SEMA6D: variants seen among roughly 807,000 people sequenced by gnomAD.
SEMA6D encodes semaphorin 6D.
A neutral mutation model predicts 106.6 loss-of-function variants in SEMA6D; 35 were observed. The ratio of observed to expected loss-of-function variants is 0.33; its 90% CI spans 0.25 to 0.44. The LOEUF is 0.44. Among genes scored for constraint, SEMA6D ranks in the 20% least tolerant of loss-of-function variants. SEMA6D has a pLI of 1.00. For synonymous variants in SEMA6D, 499 were observed against 487.7 expected (o/e 1.02, Z -0.31); for missense variants, 1,185 against 1,345.9 (o/e 0.88, Z 1.87).
intron 1 of SEMA6D, among the ~76,000 whole-genome samples, chr15:47,756,238 G>A (rs188888389): frequency 3.4e-4 from 51 of 152,206 alleles, no homozygotes; most frequent in African/African-American, 1.2e-3. Context: ...CATCTGTGAA[G>A]GTGTGCCTTA....
intron 1 of SEMA6D, among the ~76,000 whole-genome samples, chr15:47,408,430 T>A (rs910243194): frequency 6.6e-6 from 1 of 152,222 alleles, no homozygotes; most frequent in Non-Finnish European, 1.5e-5. Context: ...TATAACAATT[T>A]ATTAACAATG....
intron 1 of SEMA6D, among the ~76,000 whole-genome samples, chr15:47,758,788 T>C (rs1012068332): frequency 5.3e-5 from 8 of 152,202 alleles, no homozygotes; most frequent in African/African-American, 1.9e-4. Flanking sequence ...TGTTCTCCTT[T>C]CCATTTGGTG....
chr15:47,249,495 A>AC (rs925942163), intron 1 of SEMA6D, among the ~76,000 whole-genome samples: 10 of 140,952 alleles, frequency 7.1e-5, no homozygotes, highest in East Asian at 2.1e-4. Context: ...CTCTCTACCC[A>AC]CCCCCCATGC....
intron 4 of SEMA6D, among the ~76,000 whole-genome samples, chr15:47,646,958 A>G (rs2077592817): frequency 6.6e-6 from 1 of 152,224 alleles, no homozygotes; most frequent in African/African-American, 2.4e-5. Flanking sequence ...AATCAAGCAT[A>G]ACTGTGGTTA....
intron 1 of SEMA6D, among the ~76,000 whole-genome samples, chr15:47,346,724 G>T (rs1323278976): frequency 6.6e-6 from 1 of 151,854 alleles, no homozygotes; most frequent in East Asian, 1.9e-4. Flanking sequence ...ATCTAAGAAT[G>T]GTCCCAGGTT....
chr15:47,692,686 T>C (rs1282043624), intron 4 of SEMA6D, among the ~76,000 whole-genome samples: 1 of 152,202 alleles, frequency 6.6e-6, no homozygotes, highest in East Asian at 1.9e-4. Flanking sequence ...TTGGGGTCTG[T>C]TTGCAGACAT....
At chr15:47,435,810 C>T (rs2041683152) in intron 2 of SEMA6D, among the ~76,000 whole-genome samples, 1 of 152,030 alleles carries the variant, frequency 6.6e-6, no homozygotes. Flanking sequence ...TATTGTGTTT[C>T]AGTTTCCTTA....
At chr15:47,396,684 G>A (rs1209639628) in intron 1 of SEMA6D, 2 of 152,260 alleles carry the variant, frequency 1.3e-5, no homozygotes, top group East Asian at 1.9e-4. Context: ...CAGATTGAGG[G>A]TGGATCTGCA....
At chr15:47,530,276 A>G (rs111344039) in intron 3 of SEMA6D, among the ~76,000 whole-genome samples, 2,268 of 152,298 alleles carry the variant, frequency 0.015, 60 homozygotes, top group African/African-American at 0.052. Context: ...TCTTCCCTGT[A>G]TTTCTCTTTG....
chr15:47,713,858 G>C (rs1244976946), upstream of SEMA6D, among the ~76,000 whole-genome samples: 1 of 152,074 alleles, frequency 6.6e-6, no homozygotes, highest in African/African-American at 2.4e-5. Context: ...ATGGACTTTT[G>C]CCCTTAATCT....
At chr15:47,382,119 AT>A (rs35994789) in intron 1 of SEMA6D, among the ~76,000 whole-genome samples, 20,107 of 152,184 alleles carry the variant, frequency 0.13, 1,752 homozygotes, top group Middle Eastern at 0.25. Context: ...AAGTGTCGCC[AT>A]ATTAACATGG....
intron 2 of SEMA6D, among the ~76,000 whole-genome samples, chr15:47,432,737 A>G (rs112654359): frequency 1.3e-5 from 2 of 152,138 alleles, no homozygotes; most frequent in African/African-American, 4.8e-5. Context: ...GAGATGAAAA[A>G]GCAACTCTAT....
intron 1 of SEMA6D, among the ~76,000 whole-genome samples, chr15:47,736,804 G>A (rs994539454): frequency 6.6e-6 from 1 of 152,104 alleles, no homozygotes; most frequent in Admixed American, 6.5e-5. Flanking sequence ...GTACACAATT[G>A]CAATCAGTTT....
chr15:47,334,345 T>C (rs2037466428), intron 1 of SEMA6D, among the ~76,000 whole-genome samples: 1 of 152,098 alleles, frequency 6.6e-6, no homozygotes, highest in African/African-American at 2.4e-5. Context: ...CAAAGTGGGG[T>C]TTATGGGAAC....
intron 2 of SEMA6D, among the ~76,000 whole-genome samples, chr15:47,422,167 C>CCT (rs1567068351): frequency 0.01 from 656 of 64,368 alleles, 7 homozygotes; most frequent in African/African-American, 0.027. Context: ...ATTTTTTGCC[C>CCT]GCCCGCCTGC....
intron 1 of SEMA6D, among the ~76,000 whole-genome samples, chr15:47,251,640 A>G (rs1016389879): frequency 2.0e-5 from 3 of 152,176 alleles, no homozygotes; most frequent in Admixed American, 6.5e-5. Flanking sequence ...ACACATTATA[A>G]AAGTTCAAGT....
At chr15:47,393,632 A>G (rs1240436122) in intron 1 of SEMA6D, 2 of 152,176 alleles carry the variant, frequency 1.3e-5, no homozygotes, top group Non-Finnish European at 2.9e-5. Context: ...AGTGTTAATC[A>G]TGGGATTTGT....
chr15:47,304,170 A>T (rs1277570093), intron 1 of SEMA6D, among the ~76,000 whole-genome samples: 1 of 152,086 alleles, frequency 6.6e-6, no homozygotes, highest in Non-Finnish European at 1.5e-5. Flanking sequence ...TTCTGTGTAT[A>T]AAAGTTTCTT....
chr15:47,354,550 AGTGT>A (rs1393429759), intron 1 of SEMA6D, among the ~76,000 whole-genome samples: 20 of 140,330 alleles, frequency 1.4e-4, no homozygotes, highest in Middle Eastern at 8.1e-3. Context: ...ATATGAAAGG[AGTGT>A]GTGTATGTGT....
Sources: gnomAD v4.1 joint callset for allele counts (sites outside exome capture counted in the v4.1 genomes callset) on GRCh38, gnomAD v4.1.1 for gene constraint, MANE v1.5 for transcripts, NCBI Gene and HGNC (gene_info 2026-07-23, HGNC 2026-07-21) for gene names.